LYPD6: variants seen among roughly 807,000 people sequenced by gnomAD.
LYPD6 encodes the protein LY6/PLAUR domain containing 6.
A neutral mutation model predicts 22.7 loss-of-function variants in LYPD6; 15 were observed. The observed-to-expected ratio is 0.66, with a 90% confidence interval of 0.44 to 1.02. The LOEUF is 1.02. Among genes scored for constraint, LYPD6 ranks in the 50% least tolerant of loss-of-function variants. LYPD6 has a pLI of 0.00. For synonymous variants in LYPD6, 72 were observed against 77.5 expected (o/e 0.93, Z 0.37); for missense variants, 189 against 208.4 (o/e 0.91, Z 0.57).
rs78643241 is a variant in LYPD6, at chr2:149,385,935, G to A, written c.-71-51703G>A. 7.9e-3 allele frequency among the ~76,000 whole-genome samples: 1,201 copies of A among 152,226 alleles called. 12 individuals are homozygous for A. The highest frequency in any genetic ancestry group is 0.012 in the Non-Finnish European group (808 of 68,020). ...GTTGGAAGATTAAGGCAGCACTTGG[G>A]TCTGGAACACTGCTACTGTTCCCCA... is the stretch of plus-strand genomic sequence containing the variant. On this transcript the variant is annotated intron_variant, in intron 1 of 4. Transcript: ENST00000334166.
Position 149,470,710 on chromosome 2 carries a change from AT to A in LYPD6, c.377del (p.Ile126ThrfsTer21). 6.2e-7 allele frequency: 1 copy of A among 1,613,698 alleles called. No individual in the cohort carries two copies. ...CTGCACTTCTTGTTGTGAAGGAAAT[AT>A]CTGTAACTTGCCACTGCCCCGAAAT... ...KVCTSCCEGNICNLPLPRNET... is the reference protein window; with the variant it reads ...KVCTSCCEGNXCNLPLPRNET... On this transcript the variant is annotated frameshift_variant, in exon 5 of 5. Transcript: ENST00000334166. LOFTEE classifies it high-confidence loss of function.
intron 1 of LYPD6, among the ~76,000 whole-genome samples, chr2:149,428,930 A>T (rs781187843): frequency 6.6e-6 from 1 of 152,188 alleles, no homozygotes; most frequent in African/African-American, 2.4e-5. Context: ...TTGCAGAAAT[A>T]TTCACCAGAG....
chr2:149,461,135 A>C (rs1337459207), intron 3 of LYPD6, among the ~76,000 whole-genome samples: 1 of 152,024 alleles, frequency 6.6e-6, no homozygotes, highest in Non-Finnish European at 1.5e-5. Context: ...TAATAATGAT[A>C]AGAATAAAAC....
intron 1 of LYPD6, among the ~76,000 whole-genome samples, chr2:149,335,705 T>C (rs1681022577): frequency 6.6e-6 from 1 of 152,188 alleles, no homozygotes; most frequent in Admixed American, 6.5e-5. Flanking sequence ...TCCTGCAAGC[T>C]CCATTCATGG....
chr2:149,463,575 C>T (rs10172185), intron 3 of LYPD6, among the ~76,000 whole-genome samples: 2 of 152,116 alleles, frequency 1.3e-5, no homozygotes, highest in African/African-American at 4.8e-5. Context: ...ACAGCAACCT[C>T]TACACAAATG....
At chr2:149,474,465 C>T (rs557648533), downstream of LYPD6, among the ~76,000 whole-genome samples, 1 of 152,180 alleles carries the variant, frequency 6.6e-6, no homozygotes, top group African/African-American at 2.4e-5. Flanking sequence ...ACCTCAGCCT[C>T]CCAAAGTTCT....
chr2:149,453,424 CA>C (rs1483029206), intron 3 of LYPD6, among the ~76,000 whole-genome samples: 1 of 152,168 alleles, frequency 6.6e-6, no homozygotes, highest in Non-Finnish European at 1.5e-5. Context: ...AAGCCAAAGA[CA>C]TTATGTTCCT....
Position 149,359,179 on chromosome 2 carries a change from GTCTTTGATTTCCATGACTGCACA to G in LYPD6, c.-72+28473_-72+28495del, listed in dbSNP as rs574846786. On this transcript the variant is annotated intron_variant, in intron 1 of 4. Transcript: ENST00000334166. ...AAAAAAATTAACATTATATATGTCTGTCTTTGATTTCCATGACTGCACATCTTTGATTTCCATGCATGTCTTTG... is the reference window on the plus strand; with the variant it reads ...AAAAAAATTAACATTATATATGTCTGTCTTTGATTTCCATGCATGTCTTTG... Among the ~76,000 whole-genome samples the G allele has an allele frequency of 2.9e-3, 437 of 152,256 alleles. 1 individual carries two copies. Among genetic ancestry groups the G allele is most frequent in the African/African-American group, 9.9e-3 (412 of 41,544 alleles).
At chr2:149,369,140 C>T (rs1382956497) in intron 1 of LYPD6, among the ~76,000 whole-genome samples, 1 of 151,818 alleles carries the variant, frequency 6.6e-6, no homozygotes, top group Non-Finnish European at 1.5e-5. Context: ...GGGGAGAGGA[C>T]ACTGTAAGAG....
chr2:149,344,750 C>T (rs927414294), intron 1 of LYPD6, among the ~76,000 whole-genome samples: 5 of 152,078 alleles, frequency 3.3e-5, no homozygotes, highest in East Asian at 3.9e-4. Flanking sequence ...GGAGTGGGTG[C>T]GGGAGTGGAG....
intron 1 of LYPD6, among the ~76,000 whole-genome samples, chr2:149,359,027 C>T (rs1681519652): frequency 1.3e-5 from 2 of 152,144 alleles, no homozygotes; most frequent in South Asian, 4.1e-4. Flanking sequence ...CGTCCTCCAT[C>T]TCTATGCTCC....
intron 1 of LYPD6, among the ~76,000 whole-genome samples, chr2:149,420,437 G>A (rs769389651): frequency 6.6e-6 from 1 of 152,112 alleles, no homozygotes; most frequent in Non-Finnish European, 1.5e-5. Context: ...ATAGGTGTGA[G>A]TGTATGTTCG....
In LYPD6 at chr2:149,338,969, T is replaced by G. The variant is rs142201666; in HGVS notation, c.-72+8247T>G. On this transcript the variant is annotated intron_variant, in intron 1 of 4. Transcript: ENST00000334166. ...TATTGTCATTTTCAAGAAAGACAGA[T>G]AGGGAGGAATTGGATAAGAGCAATA... 2.6e-5 allele frequency among the ~76,000 whole-genome samples: 4 copies of G among 152,222 alleles called. No homozygotes were observed. The East Asian group carries it at 7.7e-4, about 29-fold the overall frequency.
chr2:149,421,389 C>CAAA (rs771199025), intron 1 of LYPD6, among the ~76,000 whole-genome samples: 45 of 67,354 alleles, frequency 6.7e-4, no homozygotes, highest in African/African-American at 2.1e-3. Context: ...GACTCCATCT[C>CAAA]AAAAAAAAAA....
chr2:149,361,195 C>T (rs919053301), intron 1 of LYPD6, among the ~76,000 whole-genome samples: 1 of 152,082 alleles, frequency 6.6e-6, no homozygotes, highest in African/African-American at 2.4e-5. Context: ...TTGGGGGATA[C>T]AGTTATGGGA....
intron 1 of LYPD6, among the ~76,000 whole-genome samples, chr2:149,424,431 G>T (rs971265435): frequency 6.6e-6 from 1 of 152,184 alleles, no homozygotes; most frequent in Non-Finnish European, 1.5e-5. Context: ...TTTTAGAGAT[G>T]AGGAAAGAAA....
intron 1 of LYPD6, among the ~76,000 whole-genome samples, chr2:149,427,198 G>C (rs1573798959): frequency 1.3e-5 from 2 of 152,164 alleles, no homozygotes; most frequent in Admixed American, 1.3e-4. Context: ...TATTTTGAAT[G>C]TAAGAACAGA....
chr2:149,360,571 C>G (rs749159342), intron 1 of LYPD6, among the ~76,000 whole-genome samples: 1 of 151,388 alleles, frequency 6.6e-6, no homozygotes. Context: ...ATCTTTGCTT[C>G]TATTTCCTAT....
At chr2:149,355,315 G>A (rs189553531) in intron 1 of LYPD6, among the ~76,000 whole-genome samples, 8 of 152,106 alleles carry the variant, frequency 5.3e-5, no homozygotes, top group Admixed American at 2.6e-4. Context: ...GATATGATTG[G>A]AATTAAATCA....
Sources: allele counts gnomAD v4.1 joint callset (sites outside exome capture counted in the v4.1 genomes callset), GRCh38; gene constraint gnomAD v4.1.1; transcripts MANE v1.5; gene names NCBI Gene and HGNC (gene_info 2026-07-23, HGNC 2026-07-21).